The following METTL16 variants were observed in gnomAD, a reference collection of about 807,000 sequenced individuals.
METTL16 encodes methyltransferase 16, RNA N6-adenosine, also known as RNA N(6)-adenosine-methyltransferase METTL16.
METTL16 carries 19 observed loss-of-function variants against 57.9 expected under a neutral mutation model. The observed-to-expected ratio is 0.33, with a 90% CI of 0.23 to 0.48. The LOEUF (loss-of-function observed/expected upper bound fraction) is 0.48, where lower values mean the gene tolerates loss of function less well. METTL16 is among the 20% of genes least tolerant of loss of function. The pLI is 0.99. For missense variants in METTL16, 434 were observed against 691.5 expected (o/e 0.63, Z 4.18); for synonymous variants, 246 against 255.6 (o/e 0.96, Z 0.36).
intron 2 of METTL16, among the ~76,000 whole-genome samples, chr17:2,494,721 C>T (rs7221146): frequency 0.027 from 4,078 of 151,812 alleles, 96 homozygotes; most frequent in African/African-American, 0.067. Context: ...AAAACAAGGC[C>T]GGGCGTGGTT....
intron 6 of METTL16, among the ~76,000 whole-genome samples, chr17:2,449,536 C>CAAACA (rs1555617440): frequency 3.6e-4 from 42 of 117,854 alleles, no homozygotes; most frequent in Middle Eastern, 8.2e-3. Flanking sequence ...AAAAAACAAA[C>CAAACA]AAAAAAAAAC....
At chr17:2,470,839 A>G (rs2067230256) in intron 4 of METTL16, among the ~76,000 whole-genome samples, 1 of 152,162 alleles carries the variant, frequency 6.6e-6, no homozygotes, top group Admixed American at 6.6e-5. Flanking sequence ...ACAAACATAT[A>G]CATACACTTT....
intron 2 of METTL16, among the ~76,000 whole-genome samples, chr17:2,487,997 C>T (rs991751978): frequency 4.0e-5 from 6 of 150,946 alleles, no homozygotes; most frequent in African/African-American, 1.2e-4. Context: ...AGAGCAAGAC[C>T]CAGTCTCAAA....
chr17:2,457,243 C>A (rs1391896591), intron 6 of METTL16, among the ~76,000 whole-genome samples: 1 of 142,846 alleles, frequency 7.0e-6, no homozygotes, highest in Non-Finnish European at 1.5e-5. Flanking sequence ...GAGGCTGAGG[C>A]AGGAGAATGG....
At chr17:2,469,332 T>C (rs1031288939) in intron 4 of METTL16, among the ~76,000 whole-genome samples, 3 of 152,172 alleles carry the variant, frequency 2.0e-5, no homozygotes, top group African/African-American at 7.2e-5. Context: ...AATGCACTAA[T>C]AATATTAATG....
chr17:2,484,026 G>T (rs1287397714), intron 2 of METTL16, among the ~76,000 whole-genome samples: 2 of 152,250 alleles, frequency 1.3e-5, no homozygotes, highest in African/African-American at 2.4e-5. Flanking sequence ...ATGTTCAAAG[G>T]CTTAATATCT....
intron 6 of METTL16, among the ~76,000 whole-genome samples, chr17:2,450,655 CAT>C (rs2067062096): frequency 1.3e-5 from 2 of 152,150 alleles, no homozygotes; most frequent in South Asian, 2.1e-4. Flanking sequence ...TAACGTTTTA[CAT>C]GTTTCCTTCT....
chr17:2,476,693 C>T (rs1187133302), intron 3 of METTL16, among the ~76,000 whole-genome samples: 2 of 152,118 alleles, frequency 1.3e-5, no homozygotes, highest in Non-Finnish European at 2.9e-5. Context: ...TGGTGGCTCA[C>T]GCCTGTAATC....
At position 2,420,121 on chromosome 17, in the gene METTL16, T is replaced by A; in HGVS notation, c.1538A>T (p.Gln513Leu). 1 of 1,614,260 alleles carries A rather than the reference T, an allele frequency of 6.2e-7. No homozygotes were observed. The highest frequency in any genetic ancestry group is 8.5e-7 in the Non-Finnish European group (1 of 1,180,046). The change falls in exon 10 of 10, where the codon CAG becomes CTG. Residue 513 changes from glutamine (Q) to leucine (L), a missense_variant. Gln to Leu is a moderately radical substitution (Grantham distance 113, BLOSUM62 -2). Coordinates refer to ENST00000263092, the MANE Select transcript of METTL16 (RefSeq NM_024086.4). The surrounding 1 kb of genome is among the most constrained non-coding windows in gnomAD (Gnocchi z 5.4). Reference protein sequence around the residue: ...RGKRLPGVAGQYLFKCLINVK... With the variant: ...RGKRLPGVAGLYLFKCLINVK... ...GTTTATCAAACACTTAAACAGGTAC[T>A]GTCCGGCCACTCCTGGGAGACGTTT...
At chr17:2,476,883 G>A (rs1233801688) in intron 3 of METTL16, among the ~76,000 whole-genome samples, 1 of 151,880 alleles carries the variant, frequency 6.6e-6, no homozygotes, top group Non-Finnish European at 1.5e-5. Flanking sequence ...TTGAACCCGG[G>A]AGGCGGAGGT....
intron 6 of METTL16, among the ~76,000 whole-genome samples, chr17:2,450,217 C>G (rs915771368): frequency 7.9e-5 from 12 of 152,080 alleles, no homozygotes; most frequent in Non-Finnish European, 1.6e-4. Flanking sequence ...TGGAAATGAC[C>G]CAAATGTCCT....
intron 5 of METTL16, among the ~76,000 whole-genome samples, chr17:2,466,342 T>C (rs2067196350): frequency 6.6e-6 from 1 of 151,980 alleles, no homozygotes; most frequent in African/African-American, 2.4e-5. Flanking sequence ...AAAAAAGCTC[T>C]CTCCTCACCC....
At chr17:2,457,436 G>C (rs907048965) in intron 6 of METTL16, among the ~76,000 whole-genome samples, 1 of 151,426 alleles carries the variant, frequency 6.6e-6, no homozygotes, top group Non-Finnish European at 1.5e-5. Context: ...GCCGGGCACA[G>C]TGGCTCACGC....
chr17:2,501,602 GTAA>G (rs2067488152), intron 2 of METTL16, among the ~76,000 whole-genome samples: 1 of 152,134 alleles, frequency 6.6e-6, no homozygotes, highest in Non-Finnish European at 1.5e-5. Context: ...GCTCACACCT[GTAA>G]TCCCAGCACT....
chr17:2,455,731 G>GA (rs2067105328), intron 6 of METTL16, among the ~76,000 whole-genome samples: 1 of 152,146 alleles, frequency 6.6e-6, no homozygotes, highest in Admixed American at 6.6e-5. Flanking sequence ...TGTAACCCCA[G>GA]AACTCTAGGA....
At chr17:2,425,832 G>A (rs1432257839) in intron 8 of METTL16, among the ~76,000 whole-genome samples, 3 of 152,030 alleles carry the variant, frequency 2.0e-5, no homozygotes, top group African/African-American at 4.8e-5. Flanking sequence ...GACTATAGGT[G>A]TGTGCCACCA....
chr17:2,504,478 T>C (rs1435147598), intron 1 of METTL16, among the ~76,000 whole-genome samples: 2 of 152,222 alleles, frequency 1.3e-5, no homozygotes, highest in African/African-American at 4.8e-5. Context: ...TTTAAGAGCA[T>C]CAAAGTGACA....
intron 8 of METTL16, among the ~76,000 whole-genome samples, chr17:2,427,619 T>C (rs1397889807): frequency 6.6e-6 from 1 of 152,084 alleles, no homozygotes; most frequent in African/African-American, 2.4e-5. Flanking sequence ...GATTCTTTTA[T>C]TTTTTTAAGA....
At position 2,451,925 on chromosome 17, in the gene METTL16, C is replaced by T. The variant is rs978432958; in HGVS notation, c.729-10366G>A. The stretch of plus-strand genomic sequence containing the variant: ...CTTTGGGAGGCCGAGGCAGGTGGAT[C>T]ACTTGAGCCCAGGAGTTTGAGACCA... On this transcript the variant is annotated intron_variant, in intron 6 of 9. Coordinates refer to ENST00000263092, the MANE Select transcript of METTL16 (RefSeq NM_024086.4). Among the ~76,000 whole-genome samples the T allele has an allele frequency of 7.2e-5, 11 of 151,932 alleles. No individual in the cohort carries two copies. The East Asian group carries it at 7.7e-4, about 11-fold the overall frequency.
Sources: gnomAD v4.1 joint callset for allele counts (sites outside exome capture counted in the v4.1 genomes callset) on GRCh38, gnomAD v4.1.1 for gene constraint, Gnocchi (gnomAD v3.1) non-coding constraint, MANE v1.5 for transcripts, NCBI Gene and HGNC (gene_info 2026-07-23, HGNC 2026-07-21) for gene names.